Variants in TFDP2 observed in about 807,000 individuals in gnomAD.
The protein encoded by TFDP2 is transcription factor Dp-2 (E2F dimerization partner 2).
Under a neutral mutation model 59.3 loss-of-function variants are expected in TFDP2, and 17 were observed. The ratio of observed to expected loss-of-function variants is 0.29; its 90% confidence interval spans 0.20 to 0.43. TFDP2 has a LOEUF of 0.43. TFDP2 is among the 20% of genes least tolerant of loss of function. The pLI is 1.00. For synonymous variants in TFDP2, 180 were observed against 194.7 expected (o/e 0.92, Z 0.63); for missense variants, 391 against 528.8 (o/e 0.74, Z 2.56).
intron 3 of TFDP2, among the ~76,000 whole-genome samples, chr3:142,011,907 C>A (rs1261299568): frequency 6.6e-5 from 10 of 151,892 alleles, no homozygotes; most frequent in Middle Eastern, 3.2e-3. Flanking sequence ...GAGGTTCTGA[C>A]AATGTGTTGA....
chr3:142,013,130 T>C (rs567423947), intron 3 of TFDP2, among the ~76,000 whole-genome samples: 2 of 152,166 alleles, frequency 1.3e-5, no homozygotes, highest in East Asian at 3.9e-4. Flanking sequence ...AGAGCGAGAC[T>C]CCATCTTAAA....
chr3:142,000,208 T>G (rs774513845), intron 4 of TFDP2: 1 of 696,498 alleles, frequency 1.4e-6, no homozygotes, highest in South Asian at 1.5e-5. Context: ...CTGCAAGGAG[T>G]ACAAAACTGG....
At chr3:142,028,925 A>C (rs912149833) in intron 3 of TFDP2, 1 of 158,460 alleles carries the variant, frequency 6.3e-6, no homozygotes, top group African/African-American at 2.4e-5. Context: ...GATCTTAGCC[A>C]AAAGGCCGAG....
At chr3:142,046,182 G>A (rs1016907494) in intron 3 of TFDP2, among the ~76,000 whole-genome samples, 1 of 152,146 alleles carries the variant, frequency 6.6e-6, no homozygotes, top group Non-Finnish European at 1.5e-5. Flanking sequence ...CTTGTTCCAT[G>A]TGCACGTGAT....
chr3:142,051,622 G>T (rs1947634248), intron 3 of TFDP2, among the ~76,000 whole-genome samples: 1 of 152,012 alleles, frequency 6.6e-6, no homozygotes, highest in Non-Finnish European at 1.5e-5. Context: ...TACAGTATTG[G>T]CATGAAGATA....
At chr3:141,958,660 A>T (rs539998678) in intron 11 of TFDP2, among the ~76,000 whole-genome samples, 1 of 152,178 alleles carries the variant, frequency 6.6e-6, no homozygotes, top group Non-Finnish European at 1.5e-5. Context: ...CAGAGTCTAC[A>T]GACGTAAACA....
chr3:142,019,144 A>C (rs376323271), intron 3 of TFDP2, among the ~76,000 whole-genome samples: 19 of 150,662 alleles, frequency 1.3e-4, no homozygotes, highest in East Asian at 1.2e-3. Context: ...GGCTCACCGC[A>C]TCCTCCGCCT....
At chr3:141,999,834 C>T (rs1239170189) in intron 4 of TFDP2, among the ~76,000 whole-genome samples, 1 of 151,554 alleles carries the variant, frequency 6.6e-6, no homozygotes, top group Non-Finnish European at 1.5e-5. Context: ...CTCCCGGGTT[C>T]ATGCCATTCT....
intron 9 of TFDP2, among the ~76,000 whole-genome samples, chr3:141,964,566 T>G (rs977505880): frequency 1.3e-5 from 2 of 152,136 alleles, no homozygotes; most frequent in African/African-American, 4.8e-5. Context: ...GTGGGAGGAT[T>G]GTTTGAATCC....
intron 3 of TFDP2, among the ~76,000 whole-genome samples, chr3:142,020,314 TA>T (rs1392867059): frequency 1.9e-4 from 29 of 152,068 alleles, no homozygotes; most frequent in African/African-American, 7.0e-4. Context: ...GGTGGGTGGA[TA>T]AGGAGGTCAG....
chr3:142,135,475 A>G (rs2062691471), intron 1 of TFDP2, among the ~76,000 whole-genome samples: 1 of 151,998 alleles, frequency 6.6e-6, no homozygotes, highest in South Asian at 2.1e-4. Context: ...TTACACAGGT[A>G]TACATGTGCC....
chr3:142,035,748 A>C (rs542497817), intron 3 of TFDP2, among the ~76,000 whole-genome samples: 7 of 152,230 alleles, frequency 4.6e-5, no homozygotes, highest in African/African-American at 1.2e-4. Context: ...GCTGGTTACT[A>C]TAAGTGGGAG....
intron 6 of TFDP2, among the ~76,000 whole-genome samples, chr3:141,979,584 G>A (rs997089649): frequency 3.9e-5 from 6 of 151,992 alleles, no homozygotes; most frequent in East Asian, 1.9e-4. Flanking sequence ...GCCTAGGATA[G>A]TGTGTCTCAG....
At chr3:142,023,136 A>G (rs1398294433) in intron 3 of TFDP2, among the ~76,000 whole-genome samples, 14 of 151,066 alleles carry the variant, frequency 9.3e-5, no homozygotes, top group Admixed American at 6.6e-4. Context: ...AAAAAAAAAA[A>G]AAAAAAAGAA....
chr3:141,989,834 C>T (rs898503383), intron 6 of TFDP2, among the ~76,000 whole-genome samples: 27 of 151,694 alleles, frequency 1.8e-4, no homozygotes, highest in African/African-American at 6.3e-4. Context: ...GTTGGAAAAT[C>T]TATACCCCTA....
intron 1 of TFDP2, among the ~76,000 whole-genome samples, chr3:142,125,034 G>A (rs903649212): frequency 3.3e-5 from 5 of 149,480 alleles, no homozygotes; most frequent in Non-Finnish European, 5.9e-5. Context: ...CATCTTTACC[G>A]AAAAAAAAAA....
At chr3:142,132,170 T>A (rs1666258165) in intron 1 of TFDP2, among the ~76,000 whole-genome samples, 1 of 150,362 alleles carries the variant, frequency 6.7e-6, no homozygotes, top group South Asian at 2.1e-4. Context: ...ATTATTGATA[T>A]ACTCTGCAGC....
chr3:142,119,098 T>C (rs2061948026), intron 1 of TFDP2, among the ~76,000 whole-genome samples: 2 of 151,992 alleles, frequency 1.3e-5, no homozygotes, highest in Admixed American at 6.6e-5. Context: ...AAGGTAGAGG[T>C]TGCAGTGAGC....
intron 3 of TFDP2, among the ~76,000 whole-genome samples, chr3:142,012,018 T>TC (rs1944753052): frequency 1.3e-5 from 2 of 149,382 alleles, no homozygotes; most frequent in African/African-American, 2.5e-5. Context: ...TTTCTTTCTT[T>TC]TTTTTTTTTT....
Sources: gnomAD v4.1 joint callset for allele counts (sites outside exome capture counted in the v4.1 genomes callset) on GRCh38, gnomAD v4.1.1 for gene constraint, MANE v1.5 for transcripts, NCBI Gene and HGNC (gene_info 2026-07-23, HGNC 2026-07-21) for gene names.